The following ELMO1 variants were observed in gnomAD, a reference collection of about 807,000 sequenced individuals.
The protein encoded by ELMO1 is engulfment and cell motility 1.
A neutral mutation model predicts 98.9 loss-of-function variants in ELMO1; 26 were observed. That is an observed-to-expected ratio of 0.26 (90% CI 0.19 to 0.36). The LOEUF (loss-of-function observed/expected upper bound fraction) is 0.36, where lower values mean the gene tolerates loss of function less well. Among genes scored for constraint, ELMO1 ranks in the 10% least tolerant of loss-of-function variants. The pLI, the probability that ELMO1 is intolerant of heterozygous loss-of-function variation, is 1.00. For synonymous variants in ELMO1, 346 were observed against 346.0 expected (o/e 1.00, Z 0.00); for missense variants, 627 against 935.2 (o/e 0.67, Z 4.30).
intron 14 of ELMO1, among the ~76,000 whole-genome samples, chr7:37,123,858 C>A (rs1786285336): frequency 6.6e-6 from 1 of 152,178 alleles, no homozygotes; most frequent in South Asian, 2.1e-4. Flanking sequence ...AGACCAATAT[C>A]CTTGATGAAC....
At chr7:37,363,818 GAAA>G (rs769116848) in intron 1 of ELMO1, among the ~76,000 whole-genome samples, 15 of 152,136 alleles carry the variant, frequency 9.9e-5, no homozygotes, top group Non-Finnish European at 1.6e-4. Context: ...GGTAGAAGTT[GAAA>G]GAGAAGGAAG....
rs145677951 is a variant in ELMO1 at position 37,210,091 on chromosome 7, TA to T, written c.1086+1294del. Among the ~76,000 whole-genome samples, 176 of 149,112 alleles carry T rather than the reference TA, an allele frequency of 1.2e-3. 1 individual carries two copies. The highest frequency in any genetic ancestry group is 2.6e-3 in the African/African-American group (106 of 40,778). On this transcript the variant is annotated intron_variant, in intron 13 of 21. Coordinates refer to ENST00000310758, the MANE Select transcript of ELMO1 (RefSeq NM_014800.11). Reference sequence around the variant, plus strand: ...TTTAAGAAACACTACTGGAGAGAGTTAAAAAAAAAATGAACACTGCTGGTTA... The same window carrying T: ...TTTAAGAAACACTACTGGAGAGAGTTAAAAAAAAATGAACACTGCTGGTTA...
chr7:37,000,936 T>TACACACAC (rs978102382), intron 16 of ELMO1, among the ~76,000 whole-genome samples: 200 of 126,296 alleles, frequency 1.6e-3, no homozygotes, highest in African/African-American at 7.4e-3. Flanking sequence ...TGTATATGTG[T>TACACACAC]ATACACACAC....
chr7:37,247,364 C>G (rs1318240415), intron 6 of ELMO1, among the ~76,000 whole-genome samples: 1 of 152,148 alleles, frequency 6.6e-6, no homozygotes, highest in Non-Finnish European at 1.5e-5. Context: ...CACAGCAGGT[C>G]ATTTCAGCAG....
chr7:37,097,079 A>C (rs1784398910), intron 14 of ELMO1, among the ~76,000 whole-genome samples: 1 of 152,224 alleles, frequency 6.6e-6, no homozygotes. Context: ...TTTCTTGGGA[A>C]TAGTAACTCC....
At chr7:37,431,941 G>C (rs1804949389) in intron 1 of ELMO1, among the ~76,000 whole-genome samples, 1 of 152,166 alleles carries the variant, frequency 6.6e-6, no homozygotes, top group Non-Finnish European at 1.5e-5. Flanking sequence ...GAGTGCAATG[G>C]TGCGATCTCA....
At chr7:37,264,748 A>G (rs899250343) in intron 5 of ELMO1, among the ~76,000 whole-genome samples, 3 of 152,180 alleles carry the variant, frequency 2.0e-5, no homozygotes, top group African/African-American at 4.8e-5. Context: ...TCCAGACTCC[A>G]AGGGAGGAAA....
At chr7:37,059,674 A>G (rs1047686807) in intron 15 of ELMO1, among the ~76,000 whole-genome samples, 3 of 152,346 alleles carry the variant, frequency 2.0e-5, no homozygotes, top group African/African-American at 7.2e-5. Flanking sequence ...AGGAGGCCCC[A>G]GACAGTACAG....
At chr7:37,436,700 G>A (rs1805156963) in intron 1 of ELMO1, among the ~76,000 whole-genome samples, 2 of 152,168 alleles carry the variant, frequency 1.3e-5, no homozygotes, top group South Asian at 2.1e-4. Context: ...GCAATAAGTA[G>A]AAAAAGCACC....
At chr7:37,118,093 A>T (rs1381009066) in intron 14 of ELMO1, among the ~76,000 whole-genome samples, 1 of 152,220 alleles carries the variant, frequency 6.6e-6, no homozygotes, top group African/African-American at 2.4e-5. Flanking sequence ...TTAATTGCAC[A>T]TTACACACTG....
Position 36,855,088 on chromosome 7 carries a change from G to A in ELMO1, c.*463C>T, listed in dbSNP as rs1443324489. 3 of 195,152 alleles carry A rather than the reference G, an allele frequency of 1.5e-5. No homozygotes were observed. Among genetic ancestry groups the A allele is most frequent in the Non-Finnish European group, 3.2e-5 (3 of 93,312 alleles). 12.1% of individuals were successfully genotyped at this position (195,152 alleles called of 1,614,324 possible). A position where few individuals can be genotyped will look rare whatever the true frequency, so the allele number is the denominator to read the frequency against. On this transcript the variant is annotated 3_prime_UTR_variant, in exon 22 of 22. Coordinates refer to ENST00000310758, the MANE Select transcript of ELMO1 (RefSeq NM_014800.11). The surrounding 1 kb of genome is among the most constrained non-coding windows in gnomAD (Gnocchi z 4.2). ...GGTGCGAGATGATTCTAGAGAGAGG[G>A]GAAAGGAGGATGTGGGGTTTGGTCT...
intron 15 of ELMO1, among the ~76,000 whole-genome samples, chr7:37,082,116 A>G (rs1355549691): frequency 6.6e-6 from 1 of 152,188 alleles, no homozygotes; most frequent in Non-Finnish European, 1.5e-5. Flanking sequence ...TTCTTCCTCC[A>G]TGTGTCAGGT....
chr7:36,876,292 T>C (rs1380250046), intron 19 of ELMO1, among the ~76,000 whole-genome samples: 1 of 152,176 alleles, frequency 6.6e-6, no homozygotes, highest in Non-Finnish European at 1.5e-5. Context: ...GACTGTCTTT[T>C]ATCTAAGATT....
intron 15 of ELMO1, among the ~76,000 whole-genome samples, chr7:37,014,921 G>A (rs1448839540): frequency 6.6e-6 from 1 of 151,986 alleles, no homozygotes; most frequent in East Asian, 1.9e-4. Flanking sequence ...GAATCCTATA[G>A]AGCAGGCCCC....
intron 2 of ELMO1, among the ~76,000 whole-genome samples, chr7:37,320,921 G>A (rs1799457701): frequency 6.6e-6 from 1 of 152,210 alleles, no homozygotes; most frequent in Non-Finnish European, 1.5e-5. Flanking sequence ...GCAGCCGCTG[G>A]CCATAAGCTG....
intron 1 of ELMO1, among the ~76,000 whole-genome samples, chr7:37,343,435 A>C (rs1260832270): frequency 6.6e-6 from 1 of 151,684 alleles, no homozygotes; most frequent in Non-Finnish European, 1.5e-5. Flanking sequence ...TGCTTCTTAC[A>C]CAAAGGAGGT....
intron 16 of ELMO1, among the ~76,000 whole-genome samples, chr7:36,928,567 G>A (rs1436745247): frequency 1.3e-5 from 2 of 152,062 alleles, no homozygotes; most frequent in African/African-American, 4.8e-5. Context: ...CAGGGGCAGC[G>A]ACACCCTGCA....
chr7:37,342,864 A>G lies in ELMO1; in HGVS notation c.-73-101T>C, dbSNP rs1302123549. ...TGTTTTCACTGGTGGTTTGGTATGA[A>G]AAACGGCTCCCCTTGGTGCCTGGGT... On this transcript the variant is annotated intron_variant, in intron 1 of 21. Transcript: ENST00000310758. The surrounding 1 kb of genome is among the most constrained non-coding windows in gnomAD (Gnocchi z 4.3). 6.8e-6 allele frequency: 4 copies of G among 590,270 alleles called. No homozygotes were observed. In the South Asian group the frequency reaches 8.8e-5, roughly 13 times the overall value. The allele number at this position is 590,270 out of a possible 1,614,324, so 36.6% of individuals were successfully genotyped here.
chr7:37,079,894 G>A (rs1797774128), intron 15 of ELMO1, among the ~76,000 whole-genome samples: 1 of 152,116 alleles, frequency 6.6e-6, no homozygotes, highest in Admixed American at 6.5e-5. Context: ...TCTATATACT[G>A]TTGATGCTCA....
Sources: gnomAD v4.1 joint callset for allele counts (sites outside exome capture counted in the v4.1 genomes callset) on GRCh38, gnomAD v4.1.1 for gene constraint, Gnocchi (gnomAD v3.1) non-coding constraint, MANE v1.5 for transcripts, NCBI Gene and HGNC (gene_info 2026-07-23, HGNC 2026-07-21) for gene names.